Variants in RBFOX1 observed in about 807,000 individuals in gnomAD.
RBFOX1 encodes the protein RNA binding protein fox-1 homolog 1.
RBFOX1 carries 8 observed loss-of-function variants against 57.7 expected under a neutral mutation model. The ratio of observed to expected loss-of-function variants is 0.14; its 90% confidence interval spans 0.08 to 0.25. RBFOX1 has a LOEUF of 0.25. RBFOX1 is among the 10% of genes least tolerant of loss of function. RBFOX1 has a pLI of 1.00. For missense variants in RBFOX1, 611 were observed against 548.5 expected, an observed-to-expected ratio of 1.11 and a Z score of -1.14; for synonymous variants, 326 against 222.4, an observed-to-expected ratio of 1.47 and a Z score of -4.15.
At chr16:7,026,659 A>G (rs2041046669) in intron 3 of RBFOX1, among the ~76,000 whole-genome samples, 1 of 152,138 alleles carries the variant, frequency 6.6e-6, no homozygotes, top group Non-Finnish European at 1.5e-5. Context: ...AGCTGAAACA[A>G]CCAGAAATAC....
intron 4 of RBFOX1, among the ~76,000 whole-genome samples, chr16:5,901,840 T>C (rs9933735): frequency 0.69 from 105,343 of 152,074 alleles, 36,636 homozygotes; most frequent in Middle Eastern, 0.78. Flanking sequence ...TGCTTATCAT[T>C]TCGTCTCTGC....
chr16:7,406,210 A>C (rs189857328), intron 4 of RBFOX1, among the ~76,000 whole-genome samples: 176 of 152,320 alleles, frequency 1.2e-3, no homozygotes, highest in African/African-American at 3.9e-3. Context: ...ATCATGCCTC[A>C]CCAAGGTAAC....
intron 3 of RBFOX1, among the ~76,000 whole-genome samples, chr16:6,927,615 C>G (rs180976387): frequency 1.7e-3 from 255 of 152,110 alleles, no homozygotes; most frequent in African/African-American, 5.7e-3. Context: ...TGACATTTAG[C>G]AGGGGCTTAA....
chr16:6,572,270 C>T (rs1034662208), intron 2 of RBFOX1, among the ~76,000 whole-genome samples: 5 of 152,086 alleles, frequency 3.3e-5, no homozygotes, highest in African/African-American at 1.2e-4. Flanking sequence ...TTCTATAGGA[C>T]ATAGAGAATA....
At chr16:6,395,458 C>T (rs954137457) in intron 2 of RBFOX1, among the ~76,000 whole-genome samples, 1 of 152,084 alleles carries the variant, frequency 6.6e-6, no homozygotes, top group Non-Finnish European at 1.5e-5. Flanking sequence ...AACTTTCTAC[C>T]TTGTGACTAT....
At chr16:5,592,657 C>G (rs981917393) in intron 2 of RBFOX1, among the ~76,000 whole-genome samples, 5 of 152,132 alleles carry the variant, frequency 3.3e-5, no homozygotes, top group African/African-American at 7.2e-5. Context: ...TATGTTAAGT[C>G]CTCTGTTTGG....
rs192595795 is a variant in RBFOX1 at position 6,722,376 on chromosome 16, G to T, written c.-16+67726G>T. On this transcript the variant is annotated intron_variant, in intron 3 of 15. Transcript: ENST00000550418. ...CCTTTCTAACAGGTGTGAGGAGGTTGCTCTAAGTCATCTTGGTCATGTCCT... is the reference window on the plus strand; with the variant it reads ...CCTTTCTAACAGGTGTGAGGAGGTTTCTCTAAGTCATCTTGGTCATGTCCT... 1.5e-3 allele frequency among the ~76,000 whole-genome samples: 223 copies of T among 152,300 alleles called. 4 individuals carry two copies. Among genetic ancestry groups the T allele is most frequent in the Admixed American group, 0.014 (213 of 15,294 alleles).
intron 11 of RBFOX1, among the ~76,000 whole-genome samples, chr16:7,647,119 A>G (rs2144108524): frequency 6.6e-6 from 1 of 152,280 alleles, no homozygotes; most frequent in African/African-American, 2.4e-5. Context: ...CATTTCATCG[A>G]GTTCCATGGG....
At chr16:7,693,600 G>A (rs1321807534) in intron 14 of RBFOX1, among the ~76,000 whole-genome samples, 1 of 151,998 alleles carries the variant, frequency 6.6e-6, no homozygotes, top group Non-Finnish European at 1.5e-5. Flanking sequence ...ATAATACATG[G>A]TCCAGAAAAG....
rs145908444 is a variant in RBFOX1 at position 5,477,200 on chromosome 16, G to A, written c.258+9946G>A. 2.2e-3 allele frequency among the ~76,000 whole-genome samples: 330 copies of A among 152,250 alleles called. 1 individual carries two copies. The highest frequency in any genetic ancestry group is 7.5e-3 in the African/African-American group (313 of 41,556). Reference sequence around the variant, plus strand: ...CAGCTAATTTTAAAAATTATTTGTAGAGATGGGGTCTTGCTTTGTTGCCCA... The same window carrying A: ...CAGCTAATTTTAAAAATTATTTGTAAAGATGGGGTCTTGCTTTGTTGCCCA... On this transcript the variant is annotated intron_variant, in intron 2 of 2. Transcript: ENST00000585867.
intron 2 of RBFOX1, among the ~76,000 whole-genome samples, chr16:5,541,733 T>G (rs575834287): frequency 1.5e-3 from 230 of 152,336 alleles, no homozygotes; most frequent in Middle Eastern, 3.4e-3. Flanking sequence ...TCCTTACATC[T>G]TGCTCTAATT....
intron 3 of RBFOX1, among the ~76,000 whole-genome samples, chr16:6,869,467 T>C (rs539809923): frequency 0.012 from 773 of 65,230 alleles, 11 homozygotes; most frequent in African/African-American, 0.073. Context: ...TTACTGTCTT[T>C]TGAGGTTTTT....
intron 3 of RBFOX1, among the ~76,000 whole-genome samples, chr16:6,785,380 G>A (rs2081773911): frequency 2.6e-5 from 4 of 152,158 alleles, no homozygotes; most frequent in Admixed American, 1.3e-4. Context: ...TTTAGGGAGT[G>A]GAGTTATTGT....
At chr16:6,445,791 C>T (rs2094472908) in intron 2 of RBFOX1, among the ~76,000 whole-genome samples, 1 of 152,028 alleles carries the variant, frequency 6.6e-6, no homozygotes, top group South Asian at 2.1e-4. Flanking sequence ...CCATTTTGGC[C>T]AGGATGGTCT....
chr16:5,701,658 T>G (rs553528280), intron 3 of RBFOX1, among the ~76,000 whole-genome samples: 3 of 152,276 alleles, frequency 2.0e-5, no homozygotes, highest in East Asian at 3.9e-4. Flanking sequence ...GGTCTCAAAC[T>G]TCTGGCCTAA....
At chr16:7,583,674 G>A (rs1473507631) in intron 6 of RBFOX1, among the ~76,000 whole-genome samples, 3 of 151,898 alleles carry the variant, frequency 2.0e-5, no homozygotes, top group Admixed American at 1.3e-4. Flanking sequence ...CTTACTTTAG[G>A]GGTCAAAATA....
At chr16:6,944,876 T>G (rs1301167027) in intron 3 of RBFOX1, among the ~76,000 whole-genome samples, 1 of 152,180 alleles carries the variant, frequency 6.6e-6, no homozygotes, top group Non-Finnish European at 1.5e-5. Context: ...TGATGATGGC[T>G]GATTCGTGGG....
At chr16:5,849,883 G>A (rs995120763) in intron 3 of RBFOX1, among the ~76,000 whole-genome samples, 2 of 152,098 alleles carry the variant, frequency 1.3e-5, no homozygotes, top group African/African-American at 4.8e-5. Flanking sequence ...CATGTTTTCA[G>A]CTACTCCCAG....
chr16:6,554,493 G>A (rs1003415375), intron 2 of RBFOX1, among the ~76,000 whole-genome samples: 4 of 152,144 alleles, frequency 2.6e-5, no homozygotes. Context: ...TATACTGAAA[G>A]CTACTGAATC....
Sources: gnomAD v4.1 joint callset for allele counts (sites outside exome capture counted in the v4.1 genomes callset) on GRCh38, gnomAD v4.1.1 for gene constraint, MANE v1.5 for transcripts, NCBI Gene and HGNC (gene_info 2026-07-23, HGNC 2026-07-21) for gene names.